Variants in NGF observed in about 807,000 individuals in gnomAD.
The protein encoded by NGF is beta-nerve growth factor.
Under a neutral mutation model 12.8 loss-of-function variants are expected in NGF, and 4 were observed. That is an observed-to-expected ratio of 0.31 (90% CI 0.15 to 0.72). The LOEUF (loss-of-function observed/expected upper bound fraction) is 0.72, where lower values mean the gene tolerates loss of function less well. NGF is among the 30% of genes least tolerant of loss of function. The pLI is 0.69. For missense variants in NGF, 283 were observed against 330.8 expected, an observed-to-expected ratio of 0.86 and a Z score of 1.12; for synonymous variants, 140 against 130.0, an observed-to-expected ratio of 1.08 and a Z score of -0.52.
At chr1:115,326,953 G>A (rs1417553947) in intron 1 of NGF, among the ~76,000 whole-genome samples, 1 of 152,192 alleles carries the variant, frequency 6.6e-6, no homozygotes, top group Non-Finnish European at 1.5e-5. Flanking sequence ...GAGGCTCAGA[G>A]AGGTTCTGTA....
intron 1 of NGF, among the ~76,000 whole-genome samples, chr1:115,299,205 C>T (rs1429624402): frequency 6.6e-6 from 1 of 152,124 alleles, no homozygotes; most frequent in African/African-American, 2.4e-5. Context: ...AGTGAAATTG[C>T]TATTCTTTTT....
In NGF at chr1:115,286,746, T is replaced by C; in HGVS notation, c.50A>G (p.Gln17Arg). Reference sequence around the variant, plus strand: ...ATTGCTCTCTGAGTGTGGTTCCGCCTGTATGCCGATCAGAAAAGCTGTGAT... The same window carrying C: ...ATTGCTCTCTGAGTGTGGTTCCGCCCGTATGCCGATCAGAAAAGCTGTGAT... ...TLITAFLIGIQAEPHSESNVP... is the reference protein window; with the variant it reads ...TLITAFLIGIRAEPHSESNVP... The change falls in exon 3 of 3, where the codon CAG (glutamine) becomes CGG (arginine). Residue 17 changes from glutamine (Q) to arginine (R), a missense_variant. Gln to Arg is a conservative substitution (Grantham distance 43). Coordinates refer to ENST00000369512, the MANE Select transcript of NGF (RefSeq NM_002506.3). The C allele has an allele frequency of 1.3e-5, 21 of 1,614,172 alleles. No homozygotes were observed. The highest frequency in any genetic ancestry group is 1.8e-5 in the Non-Finnish European group (21 of 1,180,036).
intron 1 of NGF, among the ~76,000 whole-genome samples, chr1:115,299,022 T>A (rs747122604): frequency 2.6e-5 from 4 of 152,196 alleles, no homozygotes; most frequent in Non-Finnish European, 5.9e-5. Flanking sequence ...TTGAAATCTT[T>A]TCTAGTATGA....
At chr1:115,322,338 C>T (rs1339687154) in intron 1 of NGF, among the ~76,000 whole-genome samples, 1 of 152,154 alleles carries the variant, frequency 6.6e-6, no homozygotes, top group Non-Finnish European at 1.5e-5. Context: ...GGACCAACTC[C>T]AGGCCCATGG....
At chr1:115,318,335 C>A (rs1654525254) in intron 1 of NGF, among the ~76,000 whole-genome samples, 1 of 152,162 alleles carries the variant, frequency 6.6e-6, no homozygotes, top group Admixed American at 6.5e-5. Context: ...ACAGTGCTTC[C>A]CCTCCAGGCT....
chr1:115,333,160 A>AG (rs1431176184), intron 1 of NGF, among the ~76,000 whole-genome samples: 4 of 152,288 alleles, frequency 2.6e-5, no homozygotes, highest in Admixed American at 2.6e-4. Context: ...CTGCACACAG[A>AG]GGGGAGGTGA....
At chr1:115,325,857 G>A (rs919864813) in intron 1 of NGF, among the ~76,000 whole-genome samples, 1 of 152,170 alleles carries the variant, frequency 6.6e-6, no homozygotes, top group Non-Finnish European at 1.5e-5. Context: ...GCAGAATCAA[G>A]TATGGTTTCT....
At chr1:115,300,543 C>T (rs925473580) in intron 1 of NGF, among the ~76,000 whole-genome samples, 6 of 152,310 alleles carry the variant, frequency 3.9e-5, no homozygotes, top group South Asian at 2.1e-4. Flanking sequence ...CAAGGGAAAC[C>T]GAATCTGAGG....
intron 1 of NGF, among the ~76,000 whole-genome samples, chr1:115,321,576 A>ATGTGTG (rs59590858): frequency 1.2e-3 from 162 of 133,272 alleles, no homozygotes; most frequent in East Asian, 2.3e-3. Flanking sequence ...TGTGTATGGG[A>ATGTGTG]TGTGTGTGTG....
rs11466094 is a variant in NGF at position 115,293,917 on chromosome 1, G to A, written c.-136-167C>T. Reference sequence around the variant, plus strand: ...TAGAATTTGGCTACCAAAATTTACCGGAGCTTGGCCTCTCATGGTCCTGTG... The same window carrying A: ...TAGAATTTGGCTACCAAAATTTACCAGAGCTTGGCCTCTCATGGTCCTGTG... On this transcript the variant is annotated intron_variant, in intron 1 of 2. Transcript: ENST00000369512. Among the ~76,000 whole-genome samples the A allele has an allele frequency of 0.045, 6,777 of 152,196 alleles. 192 individuals carry two copies. Among genetic ancestry groups the A allele is most frequent in the East Asian group, 0.071 (366 of 5,166 alleles).
intron 1 of NGF, among the ~76,000 whole-genome samples, chr1:115,334,641 C>T (rs1204585440): frequency 1.3e-5 from 2 of 152,066 alleles, no homozygotes; most frequent in Non-Finnish European, 2.9e-5. Context: ...ACAATAGGGC[C>T]CTTATTGGTA....
intron 1 of NGF, among the ~76,000 whole-genome samples, chr1:115,311,743 T>C (rs901267913): frequency 6.6e-6 from 1 of 152,146 alleles, no homozygotes; most frequent in Non-Finnish European, 1.5e-5. Context: ...AATTCTCAAA[T>C]ACATAAAGCA....
chr1:115,332,971 A>G (rs1654964165), intron 1 of NGF, among the ~76,000 whole-genome samples: 1 of 152,208 alleles, frequency 6.6e-6, no homozygotes, highest in Non-Finnish European at 1.5e-5. Flanking sequence ...GCTCAGATCC[A>G]AAAATGGGTT....
intron 2 of NGF, among the ~76,000 whole-genome samples, chr1:115,290,800 C>T (rs956431338): frequency 6.6e-6 from 1 of 152,142 alleles, no homozygotes; most frequent in African/African-American, 2.4e-5. Flanking sequence ...GTGTCCTACT[C>T]ATCTTTGTTG....
chr1:115,287,908 C>A (rs775535028), intron 2 of NGF, among the ~76,000 whole-genome samples: 1 of 152,218 alleles, frequency 6.6e-6, no homozygotes, highest in Non-Finnish European at 1.5e-5. Flanking sequence ...GGGCCTCTCA[C>A]TGGCCTCCGC....
At chr1:115,319,996 C>G (rs7513144) in intron 1 of NGF, among the ~76,000 whole-genome samples, 130,423 of 152,204 alleles carry the variant, frequency 0.86, 56,357 homozygotes, top group African/African-American at 0.95. Flanking sequence ...TTAACTCATG[C>G]GGACGTTCTG....
chr1:115,316,645 C>T lies in NGF; in HGVS notation c.-137+21559G>A, dbSNP rs1031533874. ...TATGTAAATATCCAAAATCAACCAACAAACTTACTCTAACTTAATGTTTTA... is the reference window on the plus strand; with the variant it reads ...TATGTAAATATCCAAAATCAACCAATAAACTTACTCTAACTTAATGTTTTA... On this transcript the variant is annotated intron_variant, in intron 1 of 2. Transcript: ENST00000369512. Among the ~76,000 whole-genome samples the T allele has an allele frequency of 2.0e-5, 3 of 152,150 alleles. No homozygotes were observed. The South Asian group carries it at 6.2e-4, about 32-fold the overall frequency.
intron 1 of NGF, among the ~76,000 whole-genome samples, chr1:115,319,925 CATTAGA>C (rs1654572807): frequency 2.6e-5 from 4 of 152,282 alleles, no homozygotes; most frequent in African/African-American, 9.6e-5. Context: ...TGATAAATAT[CATTAGA>C]TGGCAAGGGG....
intron 1 of NGF, among the ~76,000 whole-genome samples, chr1:115,298,273 G>T (rs1284948269): frequency 6.6e-6 from 1 of 152,132 alleles, no homozygotes; most frequent in Non-Finnish European, 1.5e-5. Context: ...CCATTACCAA[G>T]CACATCAAAT....
Sources: allele counts gnomAD v4.1 joint callset (sites outside exome capture counted in the v4.1 genomes callset), GRCh38; gene constraint gnomAD v4.1.1; transcripts MANE v1.5; gene names NCBI Gene and HGNC (gene_info 2026-07-23, HGNC 2026-07-21).